Variants in RBPMS observed in about 807,000 individuals in gnomAD.
RBPMS encodes the protein RNA-binding protein with multiple splicing.
A neutral mutation model predicts 26.8 loss-of-function variants in RBPMS; 7 were observed. The observed-to-expected ratio is 0.26, with a 90% CI of 0.15 to 0.49. The LOEUF (loss-of-function observed/expected upper bound fraction) is 0.49, where lower values mean the gene tolerates loss of function less well. Ranked by LOEUF, RBPMS falls within the 20% of genes least tolerant of loss-of-function variation. The pLI is 0.98. For synonymous variants in RBPMS, 96 were observed against 93.3 expected (o/e 1.03, Z -0.17); for missense variants, 186 against 250.0 (o/e 0.74, Z 1.73).
At chr8:30,454,392 C>T (rs1187942663) in intron 1 of RBPMS, among the ~76,000 whole-genome samples, 2 of 152,082 alleles carry the variant, frequency 1.3e-5, no homozygotes, top group South Asian at 4.2e-4. Flanking sequence ...AATGGCGAAC[C>T]GTCATGAAGT....
chr8:30,506,485 A>T (rs1821083317), intron 5 of RBPMS, among the ~76,000 whole-genome samples: 1 of 152,128 alleles, frequency 6.6e-6, no homozygotes, highest in Non-Finnish European at 1.5e-5. Context: ...CAACCTTATT[A>T]TCCATTGCCA....
chr8:30,422,092 TTTTTCTTATTTTTTTATTTTATTTTA>T (rs1810864892), intron 1 of RBPMS, among the ~76,000 whole-genome samples: 1 of 151,270 alleles, frequency 6.6e-6, no homozygotes, highest in Non-Finnish European at 1.5e-5. Context: ...GTTGTTTTTC[TTTTTCTTATTTTTTTATTTTATTTTA>T]TTTTATTTTT....
chr8:30,496,237 C>T (rs1819932276), intron 4 of RBPMS, among the ~76,000 whole-genome samples: 2 of 150,964 alleles, frequency 1.3e-5, no homozygotes. Context: ...GGCATGATCT[C>T]AGCTCACTGT....
chr8:30,526,585 G>C (rs1244759486), intron 5 of RBPMS, among the ~76,000 whole-genome samples: 1 of 152,174 alleles, frequency 6.6e-6, no homozygotes, highest in African/African-American at 2.4e-5. Context: ...AGCACACACA[G>C]CCTGGAGAAA....
chr8:30,511,527 TTC>T (rs1352197422), intron 5 of RBPMS, among the ~76,000 whole-genome samples: 3 of 11,010 alleles, frequency 2.7e-4, no homozygotes, highest in Non-Finnish European at 1.3e-3. Context: ...ATATATATAT[TTC>T]TGTGTGTGTG....
chr8:30,433,345 A>AT (rs1486850233), intron 1 of RBPMS, among the ~76,000 whole-genome samples: 2 of 152,158 alleles, frequency 1.3e-5, no homozygotes, highest in Non-Finnish European at 2.9e-5. Flanking sequence ...CTATGTTTAG[A>AT]TTTTTCAAAT....
Position 30,570,366 on chromosome 8 carries a change from T to C in RBPMS, c.*112-271T>C, listed in dbSNP as rs370125526. Among the ~76,000 whole-genome samples, 31 of 152,004 alleles carry C rather than the reference T, an allele frequency of 2.0e-4. No homozygotes were observed. In the East Asian group the frequency reaches 3.1e-3, roughly 15 times the overall value. On this transcript the variant is annotated intron_variant, in intron 8 of 8. Coordinates refer to ENST00000397323, the MANE Select transcript of RBPMS (RefSeq NM_001008710.3). ...GCTGGTAAGATGGCAGGAAAAGGAG[T>C]GACTGAATAATACAATATAGCTGAG...
At chr8:30,542,363 CTGT>C (rs1825472411) in intron 5 of RBPMS, among the ~76,000 whole-genome samples, 1 of 152,198 alleles carries the variant, frequency 6.6e-6, no homozygotes, top group Admixed American at 6.5e-5. Flanking sequence ...CAGCTTATCT[CTGT>C]TGCTTATCTC....
intron 1 of RBPMS, among the ~76,000 whole-genome samples, chr8:30,433,720 T>G (rs1383503339): frequency 1.3e-5 from 2 of 152,046 alleles, no homozygotes; most frequent in East Asian, 3.9e-4. Context: ...CCTGGCAGGA[T>G]CATTGGGATA....
At chr8:30,501,252 G>C (rs1350226811) in intron 4 of RBPMS, among the ~76,000 whole-genome samples, 1 of 150,636 alleles carries the variant, frequency 6.6e-6, no homozygotes, top group African/African-American at 2.4e-5. Flanking sequence ...TGCTTGTTCA[G>C]CCACCCCACC....
At chr8:30,545,374 G>T in intron 6 of RBPMS, 1 of 1,145,526 alleles carries the variant, frequency 8.7e-7, no homozygotes, top group Middle Eastern at 3.9e-4. Context: ...CGCTTTTAGT[G>T]CAAGTGGTAG....
chr8:30,552,993 A>C (rs1045429909), intron 6 of RBPMS: 1 of 152,260 alleles, frequency 6.6e-6, no homozygotes, highest in African/African-American at 2.4e-5. Context: ...GGCCTCCTCC[A>C]GCTAGGACTT....
rs529323770 is a variant in RBPMS at position 30,549,747 on chromosome 8, T to C, written c.528+5123T>C. Reference sequence around the variant, plus strand: ...GGCGATTTCTTTCTTTCTTTCTTTCTTTCCTTTTCTTTTCTTTTCTTTTCT... The same window carrying C: ...GGCGATTTCTTTCTTTCTTTCTTTCCTTCCTTTTCTTTTCTTTTCTTTTCT... On this transcript the variant is annotated intron_variant, in intron 6 of 8. Transcript: ENST00000397323. 2.4e-5 allele frequency among the ~76,000 whole-genome samples: 3 copies of C among 125,672 alleles called. No homozygotes were observed. In the East Asian group the frequency reaches 7.8e-4, roughly 33 times the overall value. The allele number at this position is 125,672 out of a possible 152,430, so 82.4% of individuals were successfully genotyped here.
At chr8:30,553,391 A>G (rs1402731008) in intron 6 of RBPMS, 1 of 152,238 alleles carries the variant, frequency 6.6e-6, no homozygotes, top group African/African-American at 2.4e-5. Context: ...TTTGTATTGC[A>G]CATCATCCCT....
intron 1 of RBPMS, among the ~76,000 whole-genome samples, chr8:30,411,985 CAAAAA>C (rs11367222): frequency 8.3e-6 from 1 of 120,970 alleles, no homozygotes; most frequent in Non-Finnish European, 1.8e-5. Flanking sequence ...GACTTCGTCT[CAAAAA>C]AAAAAAAAAA....
chr8:30,449,369 CTTTTTTT>C (rs5890522), intron 1 of RBPMS, among the ~76,000 whole-genome samples: 2 of 106,508 alleles, frequency 1.9e-5, no homozygotes, highest in African/African-American at 4.0e-5. Flanking sequence ...CACATCTCCT[CTTTTTTT>C]TTTTTTTTTT....
intron 6 of RBPMS, chr8:30,558,525 T>G: frequency 8.0e-6 from 3 of 376,268 alleles, no homozygotes; most frequent in East Asian, 5.9e-5. Context: ...TAGAAAGCCA[T>G]TAGATAGCCT....
intron 5 of RBPMS, among the ~76,000 whole-genome samples, chr8:30,532,705 T>C (rs1222272006): frequency 6.6e-6 from 1 of 151,936 alleles, no homozygotes; most frequent in Non-Finnish European, 1.5e-5. Flanking sequence ...TCATTTGTTC[T>C]TTTCTTGTCC....
intron 5 of RBPMS, among the ~76,000 whole-genome samples, chr8:30,505,973 T>G (rs111264716): frequency 2.9e-3 from 440 of 152,298 alleles, no homozygotes; most frequent in Non-Finnish European, 4.6e-3. Flanking sequence ...AAAGATTAAT[T>G]CAGGCAGGAA....
Sources: allele counts gnomAD v4.1 joint callset (sites outside exome capture counted in the v4.1 genomes callset), GRCh38; gene constraint gnomAD v4.1.1; transcripts MANE v1.5; gene names NCBI Gene and HGNC (gene_info 2026-07-23, HGNC 2026-07-21).